The following TRPC4 variants were observed in gnomAD, a reference collection of about 807,000 sequenced individuals.
The protein encoded by TRPC4 is transient receptor potential cation channel subfamily C member 4.
TRPC4 carries 49 observed loss-of-function variants against 99.4 expected under a neutral mutation model. The ratio of observed to expected loss-of-function variants is 0.49; its 90% confidence interval spans 0.39 to 0.63. TRPC4 has a LOEUF of 0.63. TRPC4 is among the 20% of genes least tolerant of loss of function. The pLI is 0.00. For missense variants in TRPC4, 898 were observed against 1,152.9 expected, an observed-to-expected ratio of 0.78 and a Z score of 3.20; for synonymous variants, 454 against 425.9, an observed-to-expected ratio of 1.07 and a Z score of -0.81.
At chr13:37,686,009 A>G (rs1475396247) in intron 4 of TRPC4, among the ~76,000 whole-genome samples, 1 of 152,174 alleles carries the variant, frequency 6.6e-6, no homozygotes, top group East Asian at 1.9e-4. Flanking sequence ...ATTTTAAATT[A>G]ATAAATGGGT....
At chr13:37,672,131 A>G (rs1232872751) in intron 5 of TRPC4, among the ~76,000 whole-genome samples, 1 of 152,208 alleles carries the variant, frequency 6.6e-6, no homozygotes, top group African/African-American at 2.4e-5. Context: ...CTAAATTAAA[A>G]TCCCACATCT....
chr13:37,712,326 C>A (rs1033921891), intron 3 of TRPC4, among the ~76,000 whole-genome samples: 5 of 152,126 alleles, frequency 3.3e-5, no homozygotes, highest in African/African-American at 1.2e-4. Flanking sequence ...TATAGAGCCC[C>A]TTTTATAGTG....
chr13:37,744,525 C>T (rs1379777179), intron 3 of TRPC4, among the ~76,000 whole-genome samples: 1 of 152,100 alleles, frequency 6.6e-6, no homozygotes, highest in Admixed American at 6.6e-5. Context: ...TTGTTTCAGG[C>T]TTCCATGACA....
At chr13:37,868,115 C>G (rs1294460998) in intron 1 of TRPC4, among the ~76,000 whole-genome samples, 1 of 152,132 alleles carries the variant, frequency 6.6e-6, no homozygotes, top group Non-Finnish European at 1.5e-5. Context: ...AGAACTTTAA[C>G]TCTGTCATAG....
chr13:37,848,867 A>C (rs1008338096), intron 1 of TRPC4, among the ~76,000 whole-genome samples: 1 of 152,238 alleles, frequency 6.6e-6, no homozygotes, highest in African/African-American at 2.4e-5. Context: ...TTGTAGGTCT[A>C]TGAAGTAGAA....
intron 3 of TRPC4, among the ~76,000 whole-genome samples, chr13:37,725,070 A>G (rs1955002676): frequency 1.3e-5 from 2 of 152,158 alleles, no homozygotes; most frequent in Admixed American, 6.6e-5. Flanking sequence ...TTTTTTAAAA[A>G]AAGAAACAAA....
intron 1 of TRPC4, among the ~76,000 whole-genome samples, chr13:37,866,307 A>G (rs2139740889): frequency 6.6e-6 from 1 of 151,902 alleles, no homozygotes; most frequent in Admixed American, 6.6e-5. Flanking sequence ...TTAAAAAGAG[A>G]GATAAAACAT....
chr13:37,792,177 G>C (rs1957138863), intron 1 of TRPC4, among the ~76,000 whole-genome samples: 1 of 152,090 alleles, frequency 6.6e-6, no homozygotes, highest in Admixed American at 6.6e-5. Flanking sequence ...CAAGGAAAGT[G>C]GACACATTAA....
intron 1 of TRPC4, among the ~76,000 whole-genome samples, chr13:37,796,119 C>T (rs1169941048): frequency 6.6e-6 from 1 of 152,164 alleles, no homozygotes; most frequent in Non-Finnish European, 1.5e-5. Context: ...CTGAGTGAGG[C>T]TGGTCTCAGA....
intron 1 of TRPC4, among the ~76,000 whole-genome samples, chr13:37,828,720 A>C (rs1015697846): frequency 2.6e-5 from 4 of 152,234 alleles, no homozygotes; most frequent in African/African-American, 9.6e-5. Context: ...TCCTAAGCAA[A>C]CTAACACAGG....
At chr13:37,821,902 G>C (rs1432114497) in intron 1 of TRPC4, among the ~76,000 whole-genome samples, 1 of 152,026 alleles carries the variant, frequency 6.6e-6, no homozygotes, top group Admixed American at 6.6e-5. Flanking sequence ...ACAGGCCCTG[G>C]CAAAGATTTC....
At chr13:37,667,708 A>G (rs1033771795) in intron 5 of TRPC4, among the ~76,000 whole-genome samples, 3 of 152,130 alleles carry the variant, frequency 2.0e-5, no homozygotes, top group Non-Finnish European at 4.4e-5. Flanking sequence ...CTGATTTTTC[A>G]ACTTGCTACA....
At chr13:37,842,269 C>CAA (rs1197272704) in intron 1 of TRPC4, among the ~76,000 whole-genome samples, 1 of 47,772 alleles carries the variant, frequency 2.1e-5, no homozygotes, top group Non-Finnish European at 4.0e-5. Flanking sequence ...GACTCAATCT[C>CAA]AAAAAAAAAA....
intron 1 of TRPC4, among the ~76,000 whole-genome samples, chr13:37,844,508 T>C (rs1221482790): frequency 1.3e-5 from 2 of 152,120 alleles, no homozygotes; most frequent in East Asian, 3.9e-4. Context: ...TTGGTCAGGC[T>C]GGTCTCGAAC....
At chr13:37,765,031 T>C (rs1057353895) in intron 2 of TRPC4, among the ~76,000 whole-genome samples, 6 of 151,384 alleles carry the variant, frequency 4.0e-5, no homozygotes, top group African/African-American at 1.2e-4. Flanking sequence ...TTGTGAAAGA[T>C]TGAAATAGTA....
chr13:37,842,453 T>A (rs1375179769), intron 1 of TRPC4, among the ~76,000 whole-genome samples: 1 of 151,202 alleles, frequency 6.6e-6, no homozygotes, highest in Non-Finnish European at 1.5e-5. Flanking sequence ...AAAGAGTTGG[T>A]GATTCTTCCT....
At chr13:37,859,075 A>C (rs558414850) in intron 1 of TRPC4, among the ~76,000 whole-genome samples, 1 of 151,646 alleles carries the variant, frequency 6.6e-6, no homozygotes, top group African/African-American at 2.4e-5. Context: ...TGTACACAAA[A>C]AATTAAAAAT....
intron 3 of TRPC4, among the ~76,000 whole-genome samples, chr13:37,706,545 G>A (rs1418286416): frequency 3.3e-5 from 5 of 151,952 alleles, no homozygotes; most frequent in African/African-American, 1.2e-4. Flanking sequence ...TGTTACATAT[G>A]TATACATGTG....
chr13:37,800,219 G>GACAATATTATT (rs1195596160), intron 1 of TRPC4, among the ~76,000 whole-genome samples: 1 of 151,996 alleles, frequency 6.6e-6, no homozygotes, highest in Non-Finnish European at 1.5e-5. Flanking sequence ...TTAGAGATAG[G>GACAATATTATT]TCTTACTATG....
Sources: gnomAD v4.1 joint callset for allele counts (sites outside exome capture counted in the v4.1 genomes callset) on GRCh38, gnomAD v4.1.1 for gene constraint, MANE v1.5 for transcripts, NCBI Gene and HGNC (gene_info 2026-07-23, HGNC 2026-07-21) for gene names.